VPS39: variants seen among roughly 807,000 people sequenced by gnomAD.
VPS39 encodes VPS39 subunit of HOPS complex.
VPS39 carries 70 observed loss-of-function variants against 121.0 expected under a neutral mutation model. That is an observed-to-expected ratio of 0.58 (90% confidence interval 0.48 to 0.71). VPS39 has a LOEUF of 0.71. Ranked by LOEUF, VPS39 falls within the 30% of genes least tolerant of loss-of-function variation. The pLI is 0.00. For missense variants in VPS39, 818 were observed against 1,051.5 expected (o/e 0.78, Z 3.07); for synonymous variants, 378 against 398.1 (o/e 0.95, Z 0.60).
At chr15:42,186,391 A>C (rs2049702729) in intron 7 of VPS39, among the ~76,000 whole-genome samples, 2 of 152,162 alleles carry the variant, frequency 1.3e-5, no homozygotes, top group South Asian at 4.1e-4. Flanking sequence ...CAGTGAGCCA[A>C]GATCCTGCCA....
At chr15:42,167,946 T>C (rs897177574) in intron 12 of VPS39, among the ~76,000 whole-genome samples, 1 of 152,342 alleles carries the variant, frequency 6.6e-6, no homozygotes, top group Middle Eastern at 3.4e-3. Context: ...TAAAATCTAA[T>C]CTTTTAAAGT....
At chr15:42,184,815 A>T in intron 7 of VPS39, 115 bp from the exon 8 acceptor site, 1 of 1,008,490 alleles carries the variant, frequency 9.9e-7, no homozygotes, top group African/African-American at 1.6e-5. Flanking sequence ...CTTGTTTGAC[A>T]TAAGAAAATG....
At chr15:42,176,235 T>C (rs1006994207) in intron 10 of VPS39, among the ~76,000 whole-genome samples, 4 of 152,198 alleles carry the variant, frequency 2.6e-5, no homozygotes, top group Non-Finnish European at 5.9e-5. Flanking sequence ...GAGACCTTTC[T>C]GCTAAGAAAA....
chr15:42,164,347 C>A lies in VPS39; in HGVS notation c.2026+11G>T, dbSNP rs1377582558. The A allele has an allele frequency of 6.2e-7, 1 of 1,613,990 alleles. No homozygotes were observed. Among genetic ancestry groups the A allele is most frequent in the Non-Finnish European group, 8.5e-7 (1 of 1,179,886 alleles). On this transcript the variant is annotated intron_variant, in intron 19 of 24. Transcript: ENST00000318006. ...GCTGAAGTGGCTTCTGGCCCTAAGC[C>A]AGACACTCACCATCAAAGGGAAAAT...
At chr15:42,179,575 CAATAAATAAATAAATAAATAAATA>C (rs372735737) in intron 8 of VPS39, among the ~76,000 whole-genome samples, 5 of 108,058 alleles carry the variant, frequency 4.6e-5, no homozygotes, top group South Asian at 6.6e-4. Flanking sequence ...GACTCCATCT[CAATAAATAAATAAATAAATAAATA>C]AATAAATAAA....
At chr15:42,174,246 C>CA (rs889625745) in intron 10 of VPS39, among the ~76,000 whole-genome samples, 21 of 145,782 alleles carry the variant, frequency 1.4e-4, no homozygotes, top group South Asian at 4.3e-4. Flanking sequence ...GACTCCATCT[C>CA]AAAAAAAAAA....
chr15:42,170,740 GATT>G (rs2049331008), intron 11 of VPS39, among the ~76,000 whole-genome samples: 2 of 38,258 alleles, frequency 5.2e-5, no homozygotes, highest in Non-Finnish European at 1.8e-4. Flanking sequence ...GATGCTCGCA[GATT>G]TTTTTTTTTT....
rs750764306 is a variant in VPS39 at position 42,164,454 on chromosome 15, C to T, written c.1930G>A (p.Gly644Ser). The T allele has an allele frequency of 6.8e-5, 110 of 1,613,884 alleles. No homozygotes were observed. The highest frequency in any genetic ancestry group is 8.6e-5 in the Non-Finnish European group (101 of 1,179,936). Reference protein sequence around the residue: ...KTPVPAGEEEGELGEYRQKLL... With the variant: ...KTPVPAGEEESELGEYRQKLL... ...TTTTGCCGGTATTCTCCCAGCTCAC[C>T]CTCTTCCTCTCCAGCTGGGACTGGG... is the stretch of plus-strand genomic sequence containing the variant. Residue 644 changes from glycine (G) to serine (S), a missense_variant, in exon 19 of 25, where the codon GGT becomes AGT. Physicochemically the swap from Gly to Ser is moderately conservative, Grantham distance 56. Transcript: ENST00000318006.
chr15:42,163,298 C>T, intron 21 of VPS39, 52 bp downstream of exon 21: 1 of 1,610,312 alleles, frequency 6.2e-7, no homozygotes, highest in Non-Finnish European at 8.5e-7. Flanking sequence ...TCTGGTCAAA[C>T]CAACGGGGAG....
chr15:42,184,776 C>T (rs368103143), intron 7 of VPS39, 76 bp from the exon 8 acceptor site: 2 of 1,419,202 alleles, frequency 1.4e-6, no homozygotes, highest in South Asian at 1.4e-5. Flanking sequence ...CCAGATAGAA[C>T]CCGAAACCTA....
At position 42,161,462 on chromosome 15, in the gene VPS39, AC is replaced by A. The variant is rs1277418212; in HGVS notation, c.2552+219del. On this transcript the variant is annotated intron_variant, in intron 24 of 24. Transcript: ENST00000318006. ...GAAGAGTTTTATGGACAAGAATCCA[AC>A]AGCTCCATACCATACATTGCAGGTC... 26 of 658,926 alleles carry A rather than the reference AC, an allele frequency of 3.9e-5. 1 individual carries two copies. Among genetic ancestry groups the A allele is most frequent in the South Asian group, 3.7e-4 (24 of 65,074 alleles). The allele number at this position is 658,926 out of a possible 1,614,324, so 40.8% of individuals were successfully genotyped here.
rs1383968100 is a variant in VPS39 at position 42,187,829 on chromosome 15, G to A, written c.370C>T (p.Arg124Trp). ...TTCTTTTTTACTGCCACACACATCC[G>A]TAACACCTCCTCACCGGTCTCTGTG... ...QHTETGEEVLRMCVAVKKKLQ... is the reference protein window; with the variant it reads ...QHTETGEEVLWMCVAVKKKLQ... Residue 124 changes from arginine (R) to tryptophan (W), a missense_variant, in exon 6 of 25, where the codon CGG (arginine) becomes TGG (tryptophan). By Grantham distance (101) the Arg-to-Trp change is moderately radical. Coordinates refer to ENST00000318006, the MANE Select transcript of VPS39 (RefSeq NM_015289.5). 6.8e-6 allele frequency: 11 copies of A among 1,614,004 alleles called. No individual in the cohort carries two copies. The highest frequency in any genetic ancestry group is 4.5e-5 in the East Asian group (2 of 44,898).
At chr15:42,195,078 T>A (rs1332509994) in intron 2 of VPS39, among the ~76,000 whole-genome samples, 1 of 152,172 alleles carries the variant, frequency 6.6e-6, no homozygotes, top group Non-Finnish European at 1.5e-5. Flanking sequence ...GATGACAGCA[T>A]GACTGAAATA....
At chr15:42,191,371 T>A in intron 3 of VPS39, 125 bp downstream of exon 3, 2 of 1,101,286 alleles carry the variant, frequency 1.8e-6, no homozygotes, top group Non-Finnish European at 2.7e-6. Context: ...GAGCAGACAC[T>A]CCTGCATAAA....
chr15:42,171,247 A>G (rs2049342512), intron 11 of VPS39, among the ~76,000 whole-genome samples: 1 of 152,168 alleles, frequency 6.6e-6, no homozygotes, highest in African/African-American at 2.4e-5. Flanking sequence ...TCAGGGTTCT[A>G]AGTGAAAATC....
Position 42,164,426 on chromosome 15 carries a change from A to G in VPS39, c.1958T>C (p.Leu653Pro). 1 of 1,614,132 alleles carries G rather than the reference A, an allele frequency of 6.2e-7. No individual in the cohort carries two copies. Among genetic ancestry groups the G allele is most frequent in the Non-Finnish European group, 8.5e-7 (1 of 1,179,994 alleles). ...GCTGGAAATCTCCAAGAACATGAGG[A>G]GCTTTTGCCGGTATTCTCCCAGCTC... Reference protein sequence around the residue: ...EGELGEYRQKLLMFLEISSYY... With the variant: ...EGELGEYRQKPLMFLEISSYY... Residue 653 changes from leucine (L) to proline (P), a missense_variant, in exon 19 of 25, where the codon CTC becomes CCC. By Grantham distance (98) the Leu-to-Pro change is moderately conservative (BLOSUM62 -3). Coordinates refer to ENST00000318006, the MANE Select transcript of VPS39 (RefSeq NM_015289.5).
chr15:42,165,847 G>A, intron 16 of VPS39, 31 bp from the exon 17 acceptor site: 1 of 1,592,470 alleles, frequency 6.3e-7, no homozygotes, highest in Non-Finnish European at 8.6e-7. Flanking sequence ...TCCAGCAGCA[G>A]AACCATCTGA....
intron 1 of VPS39, 23 bp from the exon 2 acceptor site, chr15:42,199,984 AAACAAAAAC>A (rs745979693): frequency 6.4e-7 from 1 of 1,553,106 alleles, no homozygotes; most frequent in South Asian, 1.2e-5. Context: ...AACAAAACAA[AAACAAAAAC>A]AAAAAAAAAC....
At chr15:42,179,589 A>G in intron 8 of VPS39, among the ~76,000 whole-genome samples, 1 of 130,516 alleles carries the variant, frequency 7.7e-6, no homozygotes, top group East Asian at 2.0e-4. Context: ...AAATAAATAA[A>G]TAAATAAATA....
Sources: allele counts gnomAD v4.1 joint callset (sites outside exome capture counted in the v4.1 genomes callset), GRCh38; gene constraint gnomAD v4.1.1; transcripts MANE v1.5; gene names NCBI Gene and HGNC (gene_info 2026-07-23, HGNC 2026-07-21).